COL3A1: variants seen among roughly 807,000 people sequenced by gnomAD.
COL3A1 encodes collagen type III alpha 1 chain.
Under a neutral mutation model 200.9 loss-of-function variants are expected in COL3A1, and 46 were observed. The ratio of observed to expected loss-of-function variants is 0.23; its 90% CI spans 0.18 to 0.29. The LOEUF (loss-of-function observed/expected upper bound fraction) is 0.29. COL3A1 is among the 10% of genes least tolerant of loss of function. The pLI is 1.00. For missense variants in COL3A1, 1,367 were observed against 1,917.6 expected (o/e 0.71, Z 5.36); for synonymous variants, 650 against 628.0 (o/e 1.03, Z -0.52).
At position 188,995,790 on chromosome 2, in the gene COL3A1, G is replaced by T. The variant is rs1309672419; in HGVS notation, c.1608G>T (p.Arg536Ser). ...RDGVPGGPGM[R>S]GMPGSPGGPG... Reference sequence around the variant, plus strand: ...GCGTCCCTGGAGGTCCAGGAATGAGGGTACAGAGAAACATTTGTTTGAATG... The same window carrying T: ...GCGTCCCTGGAGGTCCAGGAATGAGTGTACAGAGAAACATTTGTTTGAATG... The change falls in exon 22 of 51, where the codon AGG becomes AGT. Residue 536 changes from arginine (R) to serine (S), a missense_variant and splice_region_variant. This residue lies in a region of COL3A1 where 462 missense variants were observed against 681.4 expected (regional missense o/e 0.68). Transcript: ENST00000304636. 6.4e-7 allele frequency: 1 copy of T among 1,555,656 alleles called. No individual in the cohort carries two copies. The highest frequency in any genetic ancestry group is 8.7e-7 in the Non-Finnish European group (1 of 1,148,458).
At position 189,011,799 on chromosome 2, in the gene COL3A1, C is replaced by CA. The variant is rs778347353; in HGVS notation, c.*33dup. 36 of 1,612,676 alleles carry CA rather than the reference C, an allele frequency of 2.2e-5. No homozygotes were observed. Among genetic ancestry groups the CA allele is most frequent in the African/African-American group, 1.5e-4 (11 of 74,880 alleles). On this transcript the variant is annotated 3_prime_UTR_variant, in exon 51 of 51. Coordinates refer to ENST00000304636, the MANE Select transcript of COL3A1 (RefSeq NM_000090.4). ...AACCAAACTCTATCTGAAATCCCAACAAAAAAAATTTAACTCCATATGTGT... is the reference window on the plus strand; with the variant it reads ...AACCAAACTCTATCTGAAATCCCAACAAAAAAAAATTTAACTCCATATGTGT...
intron 26 of COL3A1, 99 bp from the exon 27 acceptor site, chr2:188,997,601 C>G: frequency 7.7e-7 from 1 of 1,300,054 alleles, no homozygotes; most frequent in Middle Eastern, 1.8e-4. Context: ...TTCTTCACAT[C>G]ACTACTTTTA....
chr2:189,000,404 A>G (rs1688430648), intron 32 of COL3A1, among the ~76,000 whole-genome samples: 2 of 152,216 alleles, frequency 1.3e-5, no homozygotes, highest in Admixed American at 6.5e-5. Flanking sequence ...CATTCCTACA[A>G]TATTTGCAAA....
rs1287169403 is a variant in COL3A1 at position 189,012,115 on chromosome 2, C to A, written c.*341C>A. 4.1e-6 allele frequency: 1 copy of A among 241,366 alleles called. No individual in the cohort carries two copies. Among genetic ancestry groups the A allele is most frequent in the Admixed American group, 5.2e-5 (1 of 19,332 alleles). 15.0% of individuals were successfully genotyped at this position (241,366 alleles called of 1,614,324 possible). On this transcript the variant is annotated 3_prime_UTR_variant, in exon 51 of 51. Transcript: ENST00000304636. Reference sequence around the variant, plus strand: ...TCTGCAGAGCAATGACTGTGCTCACCAGTAAAAGATAACCTTTCTTTCTGA... The same window carrying A: ...TCTGCAGAGCAATGACTGTGCTCACAAGTAAAAGATAACCTTTCTTTCTGA...
intron 12 of COL3A1, 35 bp downstream of exon 12, chr2:188,991,566 AT>A (rs769172479): frequency 6.2e-7 from 1 of 1,607,778 alleles, no homozygotes; most frequent in Non-Finnish European, 8.5e-7. Context: ...TTTCAGTTTT[AT>A]TATTAACCTC....
At position 188,998,944 on chromosome 2, in the gene COL3A1, C is replaced by T. The variant is rs552384238; in HGVS notation, c.2022+226C>T. 2.1e-3 allele frequency among the ~76,000 whole-genome samples: 325 copies of T among 152,220 alleles called. 1 individual carries two copies. The highest frequency in any genetic ancestry group is 7.3e-3 in the African/African-American group (303 of 41,538). ...TTCATAATCACTACAGAATCAAATACGGGCTTAAAATTTCAAACGGAAAAA... is the reference window on the plus strand; with the variant it reads ...TTCATAATCACTACAGAATCAAATATGGGCTTAAAATTTCAAACGGAAAAA... On this transcript the variant is annotated intron_variant, in intron 29 of 50. Transcript: ENST00000304636.
chr2:189,006,747 G>T (rs1483625147), intron 43 of COL3A1, among the ~76,000 whole-genome samples, 190 bp from the exon 44 acceptor site: 1 of 152,104 alleles, frequency 6.6e-6, no homozygotes, highest in Non-Finnish European at 1.5e-5. Context: ...CAACTTTTCT[G>T]TCTAGATCCC....
Position 188,985,254 on chromosome 2 carries a change from A to C in COL3A1, c.333+7A>C. 6.2e-7 allele frequency: 1 copy of C among 1,604,778 alleles called. No individual in the cohort carries two copies. The highest frequency in any genetic ancestry group is 8.5e-7 in the Non-Finnish European group (1 of 1,171,820). On this transcript the variant is annotated splice_region_variant and intron_variant, in intron 3 of 50. Coordinates refer to ENST00000304636, the MANE Select transcript of COL3A1 (RefSeq NM_000090.4). ...AGGCCCCAAGGGAGATCCAGTAAGT[A>C]AACATTCTTCAGTAGAATAAAATTA...
chr2:188,978,170 T>C, intron 1 of COL3A1: 1 of 217,932 alleles, frequency 4.6e-6, no homozygotes, highest in Non-Finnish European at 1.1e-5. Context: ...AAAAGGTATT[T>C]TTATTAAATT....
chr2:189,011,945 T>C lies in COL3A1; in HGVS notation c.*171T>C. The C allele has an allele frequency of 2.8e-6, 2 of 706,394 alleles. No homozygotes were observed. Among genetic ancestry groups the C allele is most frequent in the Non-Finnish European group, 4.7e-6 (2 of 427,410 alleles). 43.8% of individuals were successfully genotyped at this position (706,394 alleles called of 1,614,324 possible). ...AAAAATGATACTTCTCTTTTTTTGC[T>C]GTTCCACCAAATACAATTCAAATGC... is the stretch of plus-strand genomic sequence containing the variant. On this transcript the variant is annotated 3_prime_UTR_variant, in exon 51 of 51. Transcript: ENST00000304636.
chr2:189,011,891 A>G lies in COL3A1; in HGVS notation c.*117A>G. 1 of 1,157,892 alleles carries G rather than the reference A, an allele frequency of 8.6e-7. No homozygotes were observed. Among genetic ancestry groups the G allele is most frequent in the African/African-American group, 1.5e-5 (1 of 65,160 alleles). 71.7% of individuals were successfully genotyped at this position (1,157,892 alleles called of 1,614,324 possible). A position where few individuals can be genotyped will look rare whatever the true frequency, so the allele number is the denominator to read the frequency against. On this transcript the variant is annotated 3_prime_UTR_variant, in exon 51 of 51. Transcript: ENST00000304636. ...AAAATTCCAGTTATTTATTTCCAAA[A>G]TGTTTGGAAACAGTATAATTTGACA...
intron 36 of COL3A1, 77 bp downstream of exon 36, chr2:189,003,139 C>A: frequency 8.7e-7 from 1 of 1,153,498 alleles, no homozygotes; most frequent in Non-Finnish European, 1.3e-6. Flanking sequence ...CTCTCCCTCT[C>A]TCTCTCCCTC....
intron 36 of COL3A1, 82 bp from the exon 37 acceptor site, chr2:189,003,329 T>C (rs1319124517): frequency 8.3e-7 from 1 of 1,203,936 alleles, no homozygotes; most frequent in Non-Finnish European, 1.2e-6. Flanking sequence ...TTCATAGAGT[T>C]CCTGGTTTTC....
intron 1 of COL3A1, chr2:188,977,982 T>G (rs570782546): frequency 3.2e-6 from 1 of 313,296 alleles, no homozygotes; most frequent in Non-Finnish European, 6.5e-6. Flanking sequence ...ACACTTTGTG[T>G]TTTTCATCCA....
chr2:188,992,321 G>T (rs1179963962), intron 14 of COL3A1, 93 bp downstream of exon 14: 2 of 1,056,372 alleles, frequency 1.9e-6, no homozygotes, highest in Non-Finnish European at 2.9e-6. Context: ...ATACTCTTAG[G>T]TATATATATA....
chr2:189,006,263 T>C lies in COL3A1; in HGVS notation c.3093+4T>C. ...AGATGGATCTCCTGGTGGCAAGGTA[T>C]AATAAACACATGTGCAATTGATTTG... On this transcript the variant is annotated splice_donor_region_variant and intron_variant, in intron 42 of 50. Transcript: ENST00000304636. 5.0e-6 allele frequency: 8 copies of C among 1,614,182 alleles called. No homozygotes were observed. The highest frequency in any genetic ancestry group is 5.9e-6 in the Non-Finnish European group (7 of 1,180,006).
At chr2:188,984,675 T>A in intron 1 of COL3A1, 85 bp from the exon 2 acceptor site, 1 of 1,165,722 alleles carries the variant, frequency 8.6e-7, no homozygotes, top group Non-Finnish European at 1.3e-6. Context: ...CAACTTTGGC[T>A]ATTGTTAATA....
Position 188,987,126 on chromosome 2 carries a change from A to G in COL3A1, c.515A>G (p.Tyr172Cys), listed in dbSNP as rs771654029. 1.2e-6 allele frequency: 2 copies of G among 1,612,244 alleles called. No homozygotes were observed. The highest frequency in any genetic ancestry group is 4.5e-5 in the East Asian group (2 of 44,816). ...SGVAVGGLAGYPGPAGPPGPP... is the reference protein window; with the variant it reads ...SGVAVGGLAGCPGPAGPPGPP... ...GTAGCAGTAGGAGGACTCGCAGGCT[A>G]TCCTGGACCAGCTGTACGTACAAAT... Residue 172 changes from tyrosine (Y) to cysteine (C), a missense_variant, in exon 5 of 51, where the codon TAT (tyrosine) becomes TGT (cysteine). Physicochemically the swap from Tyr to Cys is radical, Grantham distance 194 (BLOSUM62 -2). Transcript: ENST00000304636.
In COL3A1 at chr2:189,009,088, C is replaced by G. The variant is rs1190691997; in HGVS notation, c.3690C>G (p.Asn1230Lys). ...ATGAACCAATGGATTTCAAAATCAA[C>G]ACCGATGAGATTATGACTTCACTCA... ...YGDEPMDFKI[N>K]TDEIMTSLKS... Residue 1230 changes from asparagine to lysine, a missense_variant, in exon 48 of 51, where the codon AAC becomes AAG. By Grantham distance (94) the Asn-to-Lys change is moderately conservative. Coordinates refer to ENST00000304636, the MANE Select transcript of COL3A1 (RefSeq NM_000090.4). 5.0e-6 allele frequency: 8 copies of G among 1,614,066 alleles called. No individual in the cohort carries two copies. The highest frequency in any genetic ancestry group is 6.8e-6 in the Non-Finnish European group (8 of 1,180,030).
Sources: allele counts gnomAD v4.1 joint callset (sites outside exome capture counted in the v4.1 genomes callset), GRCh38; gene constraint gnomAD v4.1.1; regional missense constraint gnomAD v4.1.1; transcripts MANE v1.5; gene names NCBI Gene and HGNC (gene_info 2026-07-23, HGNC 2026-07-21).